The following ERRFI1 variants were observed in gnomAD, a reference collection of about 807,000 sequenced individuals.
The protein encoded by ERRFI1 is mitogen-inducible gene 6 protein.
In ERRFI1, 12 loss-of-function variants were observed where a neutral mutation model predicts 14.6. The observed-to-expected ratio is 0.82, with a 90% confidence interval of 0.53 to 1.33. The LOEUF is 1.33. ERRFI1 is among the 40% of genes most tolerant of loss of function. The pLI is 0.00. For synonymous variants in ERRFI1, 202 were observed against 209.9 expected (o/e 0.96, Z 0.32); for missense variants, 482 against 572.1 (o/e 0.84, Z 1.61).
chr1:8,024,466 T>G (rs754444956), intron 1 of ERRFI1, among the ~76,000 whole-genome samples: 10 of 152,356 alleles, frequency 6.6e-5, no homozygotes, highest in Non-Finnish European at 1.3e-4. Flanking sequence ...AAAACATGCT[T>G]TCATGCAATT....
chr1:8,025,333 T>C (rs572421458), intron 1 of ERRFI1, among the ~76,000 whole-genome samples: 1 of 152,296 alleles, frequency 6.6e-6, no homozygotes, highest in East Asian at 1.9e-4. Context: ...TACATATAAA[T>C]ACACACACAA....
rs375341792 is a variant in ERRFI1, at chr1:8,023,983, A to G, written c.-74+2175T>C. 5.9e-5 allele frequency among the ~76,000 whole-genome samples: 9 copies of G among 152,304 alleles called. No individual in the cohort carries two copies. The East Asian group carries it at 1.3e-3, about 23-fold the overall frequency. ...GATGATGAGGTACCAATTCAAATTT[A>G]TTTAGATCAAGAGCAGAGTTGTTTC... On this transcript the variant is annotated intron_variant, in intron 1 of 3. Coordinates refer to ENST00000377482, the MANE Select transcript of ERRFI1 (RefSeq NM_018948.4).
chr1:8,017,335 AT>A (rs1244432047), intron 1 of ERRFI1, among the ~76,000 whole-genome samples: 1 of 152,164 alleles, frequency 6.6e-6, no homozygotes, highest in Non-Finnish European at 1.5e-5. Context: ...CCAGGCAGAG[AT>A]TTTATGATAG....
Position 8,025,661 on chromosome 1 carries a change from T to TA in ERRFI1, c.-74+496dup, listed in dbSNP as rs553764247. Among the ~76,000 whole-genome samples the TA allele has an allele frequency of 6.8e-4, 101 of 149,554 alleles. 1 individual carries two copies. The East Asian group carries it at 7.4e-3, about 11-fold the overall frequency. On this transcript the variant is annotated intron_variant, in intron 1 of 3. Coordinates refer to ENST00000377482, the MANE Select transcript of ERRFI1 (RefSeq NM_018948.4). Reference sequence around the variant, plus strand: ...GACAACGCAACCCCCTTTTTACAAATAAAAAAAAAATCAAACAAGCCCCCA... The same window carrying TA: ...GACAACGCAACCCCCTTTTTACAAATAAAAAAAAAAATCAAACAAGCCCCCA...
intron 1 of ERRFI1, among the ~76,000 whole-genome samples, chr1:8,019,277 G>T (rs992814151): frequency 1.3e-5 from 2 of 152,264 alleles, no homozygotes; most frequent in East Asian, 1.9e-4. Flanking sequence ...CCTCAGCCTG[G>T]CAATTTAGGG....
chr1:8,021,709 T>C (rs1221567518), intron 1 of ERRFI1, among the ~76,000 whole-genome samples: 2 of 152,220 alleles, frequency 1.3e-5, no homozygotes, highest in African/African-American at 4.8e-5. Flanking sequence ...TGGTTCTAAG[T>C]GCTTTATGTG....
chr1:8,015,396 G>A lies in ERRFI1; in HGVS notation c.126-12C>T. 6.2e-7 allele frequency: 1 copy of A among 1,614,062 alleles called. No homozygotes were observed. Among genetic ancestry groups the A allele is most frequent in the Non-Finnish European group, 8.5e-7 (1 of 1,179,930 alleles). On this transcript the variant is annotated splice_polypyrimidine_tract_variant and intron_variant, in intron 2 of 3. Coordinates refer to ENST00000377482, the MANE Select transcript of ERRFI1 (RefSeq NM_018948.4). ...TATTTAAAAAGTTGCTGAAAGGAGA[G>A]GAAGCTACTTTGGTCATAAGCGAAG...
chr1:8,013,304 A>G lies in ERRFI1; in HGVS notation c.1295T>C (p.Ile432Thr), dbSNP rs969987070. The G allele has an allele frequency of 1.9e-6, 3 of 1,614,112 alleles. No individual in the cohort carries two copies. In the African/African-American group the frequency reaches 4.0e-5, roughly 22 times the overall value. ...QIQPLPADCG[I>T]SSATEKPDSK... Reference sequence around the variant, plus strand: ...GTCTGGCTTTTCTGTGGCTGAAGATATACCGCAGTCAGCAGGTAATGGCTG... The same window carrying G: ...GTCTGGCTTTTCTGTGGCTGAAGATGTACCGCAGTCAGCAGGTAATGGCTG... Residue 432 changes from isoleucine (I) to threonine (T), a missense_variant, in exon 4 of 4, where the codon ATA becomes ACA. By Grantham distance (89) the Ile-to-Thr change is moderately conservative. Transcript: ENST00000377482. The surrounding 1 kb of genome is among the most constrained non-coding windows in gnomAD (Gnocchi z 4.3).
In ERRFI1 at chr1:8,026,250, C is replaced by G. The variant is rs1641348195; in HGVS notation, c.-166G>C. On this transcript the variant is annotated 5_prime_UTR_variant, in exon 1 of 4. Transcript: ENST00000377482. Reference sequence around the variant, plus strand: ...CGGGCTCAGGGGCCCGGACATCGCGCAGGCGCCTCTTGCTGGCTCGCGCTC... The same window carrying G: ...CGGGCTCAGGGGCCCGGACATCGCGGAGGCGCCTCTTGCTGGCTCGCGCTC... 6.6e-6 allele frequency: 1 copy of G among 152,352 alleles called. No homozygotes were observed. The highest frequency in any genetic ancestry group is 1.5e-5 in the Non-Finnish European group (1 of 68,276). The allele number at this position is 152,352 out of a possible 1,614,324, so 9.4% of individuals were successfully genotyped here. A position where few individuals can be genotyped will look rare whatever the true frequency, so the allele number is the denominator to read the frequency against.
At chr1:8,014,427 T>C in intron 3 of ERRFI1, 31 bp from the exon 4 acceptor site, 1 of 1,523,014 alleles carries the variant, frequency 6.6e-7, no homozygotes. Flanking sequence ...TAATAAAAGA[T>C]CAACAATCCT....
chr1:8,013,369 A>G lies in ERRFI1; in HGVS notation c.1230T>C (p.Phe410=). 1.2e-6 allele frequency: 2 copies of G among 1,614,194 alleles called. No individual in the cohort carries two copies. Among genetic ancestry groups the G allele is most frequent in the East Asian group, 2.2e-5 (1 of 44,876 alleles). Residue 410 remains phenylalanine (F), a synonymous_variant, in exon 4 of 4, where the codon TTT becomes TTC. Coordinates refer to ENST00000377482, the MANE Select transcript of ERRFI1 (RefSeq NM_018948.4). This position sits in a 1 kb window ranked among gnomAD's most constrained non-coding sequence, Gnocchi z 4.3. Reference sequence around the variant, plus strand: ...CATTTGTTTCTTCTGCTTCCCTAAAAAATTTTTCATATTTGTCCAGGTATG... The same window carrying G: ...CATTTGTTTCTTCTGCTTCCCTAAAGAATTTTTCATATTTGTCCAGGTATG... ...RPPYLDKYEK[F]FREAEETNGG...
In ERRFI1 at chr1:8,026,296, ACCGGACCG is replaced by A. The variant is rs1641350760; in HGVS notation, c.-220_-213del. 6.5e-6 allele frequency: 1 copy of A among 152,868 alleles called. No homozygotes were observed. The highest frequency in any genetic ancestry group is 1.5e-5 in the Non-Finnish European group (1 of 68,754). The allele number at this position is 152,868 out of a possible 1,614,324, so 9.5% of individuals were successfully genotyped here. Reference sequence around the variant, plus strand: ...CGCTCCCGCTAGCACTCTGCCTCGCACCGGACCGCCGTCGCCGCGGCTGCCGCCGCCGC... The same window carrying A: ...CGCTCCCGCTAGCACTCTGCCTCGCACCGTCGCCGCGGCTGCCGCCGCCGC... On this transcript the variant is annotated 5_prime_UTR_variant, in exon 1 of 4. Transcript: ENST00000377482.
chr1:8,021,908 T>A lies in ERRFI1; in HGVS notation c.-74+4250A>T, dbSNP rs75946119. Among the ~76,000 whole-genome samples, 854 of 152,328 alleles carry A rather than the reference T, an allele frequency of 5.6e-3. 6 individuals carry two copies. The highest frequency in any genetic ancestry group is 0.02 in the African/African-American group (816 of 41,560). ...ACCAACACACCACACTGCCTCTTCC[T>A]GTCCCTACGGCTTTTTAAACTGGCG... On this transcript the variant is annotated intron_variant, in intron 1 of 3. Transcript: ENST00000377482.
intron 1 of ERRFI1, among the ~76,000 whole-genome samples, chr1:8,024,745 C>A (rs1641320980): frequency 6.6e-6 from 1 of 152,266 alleles, no homozygotes; most frequent in South Asian, 2.1e-4. Flanking sequence ...TGGAAAAGAA[C>A]TTGCTTGATA....
At chr1:8,019,444 TTG>T (rs374554633) in intron 1 of ERRFI1, among the ~76,000 whole-genome samples, 12 of 152,334 alleles carry the variant, frequency 7.9e-5, no homozygotes, top group African/African-American at 2.9e-4. Context: ...TGCTCTGTTC[TTG>T]TGTTATTTTG....
intron 1 of ERRFI1, among the ~76,000 whole-genome samples, chr1:8,022,621 T>C (rs1641289276): frequency 6.6e-6 from 1 of 152,246 alleles, no homozygotes; most frequent in African/African-American, 2.4e-5. Context: ...CACTCTATAG[T>C]ATCTTCATTT....
At position 8,013,410 on chromosome 1, in the gene ERRFI1, G is replaced by A. The variant is rs2124055201; in HGVS notation, c.1189C>T (p.Leu397=). 3 of 1,614,204 alleles carry A rather than the reference G, an allele frequency of 1.9e-6. No individual in the cohort carries two copies. Among genetic ancestry groups the A allele is most frequent in the Non-Finnish European group, 2.5e-6 (3 of 1,180,048 alleles). Residue 397 remains leucine, a synonymous_variant, in exon 4 of 4, where the codon CTA becomes TTA. Coordinates refer to ENST00000377482, the MANE Select transcript of ERRFI1 (RefSeq NM_018948.4). This position sits in a 1 kb window ranked among gnomAD's most constrained non-coding sequence, Gnocchi z 4.3. Reference sequence around the variant, plus strand: ...TCCAGGTATGGTGGTCGTTCAGGTAGTAGGTAATAATGTGTTGAACTAACC... The same window carrying A: ...TCCAGGTATGGTGGTCGTTCAGGTAATAGGTAATAATGTGTTGAACTAACC... ...KKVSSTHYYL[L]PERPPYLDKY...
chr1:8,013,203 C>G lies in ERRFI1; in HGVS notation c.*7G>C, dbSNP rs1474379753. 3 of 1,591,986 alleles carry G rather than the reference C, an allele frequency of 1.9e-6. No individual in the cohort carries two copies. ...ATGTAACCTCTGCTGAACCATGACC[C>G]CAAGGTCTAAGGAGAAACCACATAG... On this transcript the variant is annotated 3_prime_UTR_variant, in exon 4 of 4. Coordinates refer to ENST00000377482, the MANE Select transcript of ERRFI1 (RefSeq NM_018948.4). This position sits in a 1 kb window ranked among gnomAD's most constrained non-coding sequence, Gnocchi z 4.3.
rs1641164901 is a variant in ERRFI1, at chr1:8,015,777, A to G, written c.-73-85T>C. 34 of 898,016 alleles carry G rather than the reference A, an allele frequency of 3.8e-5. No individual in the cohort carries two copies. In the South Asian group the frequency reaches 4.9e-4, roughly 13 times the overall value. 55.6% of individuals were successfully genotyped at this position (898,016 alleles called of 1,614,324 possible). On this transcript the variant is annotated intron_variant, in intron 1 of 3. Transcript: ENST00000377482. Reference sequence around the variant, plus strand: ...CAGTCTAAATTACAGCAAAGCTAACAGAGGATTTGGGGGATGCTGAATAGA... The same window carrying G: ...CAGTCTAAATTACAGCAAAGCTAACGGAGGATTTGGGGGATGCTGAATAGA...
Sources: allele counts gnomAD v4.1 joint callset (sites outside exome capture counted in the v4.1 genomes callset), GRCh38; gene constraint gnomAD v4.1.1; non-coding constraint Gnocchi (gnomAD v3.1); transcripts MANE v1.5; gene names NCBI Gene and HGNC (gene_info 2026-07-23, HGNC 2026-07-21).